KHDC1: variants seen among roughly 807,000 people sequenced by gnomAD.
KHDC1 encodes KH domain containing 1.
Under a neutral mutation model 24.7 loss-of-function variants are expected in KHDC1, and 21 were observed. That is an observed-to-expected ratio of 0.85 (90% confidence interval 0.60 to 1.23). The LOEUF (loss-of-function observed/expected upper bound fraction) is 1.23, where lower values mean the gene tolerates loss of function less well. Ranked by LOEUF, KHDC1 falls within the 50% of genes most tolerant of loss-of-function variation. The pLI is 0.00. For synonymous variants in KHDC1, 98 were observed against 111.7 expected (o/e 0.88, Z 0.77); for missense variants, 274 against 298.5 (o/e 0.92, Z 0.61).
chr6:73,267,700 A>G (rs543611303), intron 2 of KHDC1, among the ~76,000 whole-genome samples: 43 of 152,232 alleles, frequency 2.8e-4, no homozygotes, highest in Non-Finnish European at 4.6e-4. Flanking sequence ...AGAGACTGAA[A>G]TAAGTGCAGA....
chr6:73,279,643 G>A (rs1767369420), intron 2 of KHDC1, among the ~76,000 whole-genome samples: 1 of 139,078 alleles, frequency 7.2e-6, no homozygotes, highest in South Asian at 2.3e-4. Context: ...GTGCAGTGGC[G>A]AACATGGCTC....
In KHDC1 at chr6:73,241,674, A is replaced by G. The variant is rs563152950; in HGVS notation, c.569T>C (p.Val190Ala). 6.2e-6 allele frequency: 10 copies of G among 1,614,142 alleles called. No individual in the cohort carries two copies. The South Asian group carries it at 8.8e-5, about 14-fold the overall frequency. The change falls in exon 5 of 5, where the codon GTC becomes GCC. Residue 190 changes from valine (V) to alanine (A), a missense_variant. Transcript: ENST00000370384. ...GTATGGTGGCACACTAATGGAGGTGACCAGGTCATCGTTGGTCAGAGGCTG... is the reference window on the plus strand; with the variant it reads ...GTATGGTGGCACACTAATGGAGGTGGCCAGGTCATCGTTGGTCAGAGGCTG...
rs1767905362 is a variant in KHDC1 at position 73,303,093 on chromosome 6, AG to A, written c.163+6458del. Among the ~76,000 whole-genome samples the A allele has an allele frequency of 2.0e-5, 3 of 152,250 alleles. No individual in the cohort carries two copies. In the South Asian group the frequency reaches 6.2e-4, roughly 31 times the overall value. ...CTCTGCCCCAAAAATAAAAATAAAA[AG>A]ATGGAAATCCTGTCATTTTCGGTGA... On this transcript the variant is annotated intron_variant, in intron 1 of 4. Coordinates refer to ENST00000370384, the Ensembl canonical transcript of KHDC1.
chr6:73,250,266 A>G (rs777656076), intron 2 of KHDC1, among the ~76,000 whole-genome samples: 1 of 152,200 alleles, frequency 6.6e-6, no homozygotes, highest in Non-Finnish European at 1.5e-5. Context: ...GATTAGTTTA[A>G]ACTAATCATG....
rs967236418 is a variant in KHDC1 at position 73,263,618 on chromosome 6, G to A, written c.207-21088C>T. On this transcript the variant is annotated intron_variant, in intron 2 of 4. Transcript: ENST00000370384. ...TGGGGAGGGGTGTCGCGGTGGGGGG[G>A]GGGGTGACCCAGGCCCACCCTCTGC... is the stretch of plus-strand genomic sequence containing the variant. Among the ~76,000 whole-genome samples, 5 of 151,384 alleles carry A rather than the reference G, an allele frequency of 3.3e-5. No individual in the cohort carries two copies. The South Asian group carries it at 6.3e-4, about 19-fold the overall frequency.
chr6:73,285,655 T>C (rs1361401327), intron 2 of KHDC1, among the ~76,000 whole-genome samples: 6 of 151,522 alleles, frequency 4.0e-5, no homozygotes, highest in African/African-American at 1.2e-4. Flanking sequence ...TTTTCTTTTT[T>C]TTTTTTTTTT....
intron 1 of KHDC1, among the ~76,000 whole-genome samples, chr6:73,307,419 G>A (rs1387620800): frequency 1.3e-5 from 2 of 152,086 alleles, no homozygotes; most frequent in Admixed American, 1.3e-4. Context: ...GCGAGACCCT[G>A]TCTCACAATA....
At chr6:73,261,400 G>A (rs949172576) in intron 2 of KHDC1, among the ~76,000 whole-genome samples, 6 of 151,970 alleles carry the variant, frequency 3.9e-5, no homozygotes, top group Middle Eastern at 3.4e-3. Context: ...CTAAGATCAC[G>A]CCACTGCCTG....
intron 2 of KHDC1, chr6:73,291,877 T>G: frequency 9.4e-7 from 1 of 1,065,956 alleles, no homozygotes; most frequent in Non-Finnish European, 1.4e-6. Flanking sequence ...ACACAATACA[T>G]TCATGTAACA....
At chr6:73,243,503 A>G (rs564099606) in intron 2 of KHDC1, among the ~76,000 whole-genome samples, 28 of 152,344 alleles carry the variant, frequency 1.8e-4, no homozygotes, top group African/African-American at 6.3e-4. Flanking sequence ...TCTCATGTAC[A>G]TTTTCTTGCA....
At chr6:73,271,091 G>A (rs58356246) in intron 2 of KHDC1, among the ~76,000 whole-genome samples, 7,720 of 152,212 alleles carry the variant, frequency 0.051, 501 homozygotes, top group African/African-American at 0.14. Flanking sequence ...TTAGAGAATG[G>A]TGAAATTAGC....
chr6:73,304,652 T>C (rs534697816), intron 1 of KHDC1, among the ~76,000 whole-genome samples: 1 of 152,252 alleles, frequency 6.6e-6, no homozygotes, highest in East Asian at 1.9e-4. Context: ...CAATGACATA[T>C]ATTACATACT....
chr6:73,244,375 C>T (rs999218014), intron 2 of KHDC1, among the ~76,000 whole-genome samples: 1 of 152,028 alleles, frequency 6.6e-6, no homozygotes, highest in African/African-American at 2.4e-5. Context: ...TAAGGACTAA[C>T]ACTGCAAGGA....
At chr6:73,308,144 G>A (rs1000898157) in intron 1 of KHDC1, among the ~76,000 whole-genome samples, 1 of 144,700 alleles carries the variant, frequency 6.9e-6, no homozygotes, top group Non-Finnish European at 1.5e-5. Flanking sequence ...ACGCGATCAC[G>A]GCTCACTGCA....
Position 73,259,859 on chromosome 6 carries a change from C to CT in KHDC1, c.207-17330_207-17329insA. Among the ~76,000 whole-genome samples, 2 of 152,276 alleles carry CT rather than the reference C, an allele frequency of 1.3e-5. 1 individual carries two copies. On this transcript the variant is annotated intron_variant, in intron 2 of 4. Transcript: ENST00000370384. Reference sequence around the variant, plus strand: ...GTCTTTGTCCTAACTAGGCATTTACCATATAAACATAATAAGAAACAAGCC... The same window carrying CT: ...GTCTTTGTCCTAACTAGGCATTTACCTATATAAACATAATAAGAAACAAGCC...
At chr6:73,294,879 TG>T (rs1767731114) in intron 1 of KHDC1, among the ~76,000 whole-genome samples, 1 of 152,084 alleles carries the variant, frequency 6.6e-6, no homozygotes, top group Admixed American at 6.6e-5. Context: ...TAAAAGCATG[TG>T]GCATGGCTCA....
chr6:73,304,777 C>A (rs751373639), intron 1 of KHDC1, among the ~76,000 whole-genome samples: 1 of 152,132 alleles, frequency 6.6e-6, no homozygotes, highest in Non-Finnish European at 1.5e-5. Flanking sequence ...GAAACAAGGT[C>A]CAGTTTCCTT....
intron 2 of KHDC1, among the ~76,000 whole-genome samples, chr6:73,285,395 G>A (rs1767500418): frequency 1.3e-5 from 2 of 149,054 alleles, no homozygotes; most frequent in East Asian, 4.0e-4. Flanking sequence ...GCAGTGGCAC[G>A]ATCTCAGCTC....
At chr6:73,251,766 A>T (rs9360656) in intron 2 of KHDC1, among the ~76,000 whole-genome samples, 3 of 151,822 alleles carry the variant, frequency 2.0e-5, no homozygotes, top group Non-Finnish European at 4.4e-5. Flanking sequence ...TATCCTTTTT[A>T]AAAAATTCTT....
Sources: allele counts gnomAD v4.1 joint callset (sites outside exome capture counted in the v4.1 genomes callset), GRCh38; gene constraint gnomAD v4.1.1; transcripts MANE v1.5; gene names NCBI Gene and HGNC (gene_info 2026-07-23, HGNC 2026-07-21).